Variants in TTC27 observed in about 807,000 individuals in gnomAD.
TTC27 encodes tetratricopeptide repeat domain 27.
A neutral mutation model predicts 115.9 loss-of-function variants in TTC27; 79 were observed. The observed-to-expected ratio is 0.68, with a 90% CI of 0.57 to 0.82. TTC27 has a LOEUF of 0.82. Among genes scored for constraint, TTC27 ranks in the 40% least tolerant of loss-of-function variants. The probability of loss-of-function intolerance (pLI) is 0.00; values close to 1 mark genes in which losing one functional copy is unlikely to be tolerated. For missense variants in TTC27, 1,054 were observed against 993.1 expected, an observed-to-expected ratio of 1.06 and a Z score of -0.82; for synonymous variants, 401 against 356.0, an observed-to-expected ratio of 1.13 and a Z score of -1.42.
In TTC27 at chr2:32,741,780, A is replaced by T. The variant is rs545298319; in HGVS notation, c.1452+4964A>T. 3.9e-5 allele frequency among the ~76,000 whole-genome samples: 6 copies of T among 152,316 alleles called. No individual in the cohort carries two copies. In the South Asian group the frequency reaches 1.2e-3, roughly 32 times the overall value. On this transcript the variant is annotated intron_variant, in intron 12 of 19. Transcript: ENST00000317907. Reference sequence around the variant, plus strand: ...TGAGTAACTAGTAAGTGATCACTCAATAGTTATCTCATTGAAGCAATCTCC... The same window carrying T: ...TGAGTAACTAGTAAGTGATCACTCATTAGTTATCTCATTGAAGCAATCTCC...
At chr2:32,733,957 T>C (rs1551177) in intron 11 of TTC27, 34 bp downstream of exon 11, 729,072 of 1,444,456 alleles carry the variant, frequency 0.5, 186,493 homozygotes, top group Non-Finnish European at 0.52. Context: ...GTATGGAAAT[T>C]ACTTGGCATT....
intron 1 of TTC27, among the ~76,000 whole-genome samples, chr2:32,630,169 C>T (rs1463654052): frequency 6.6e-6 from 1 of 152,098 alleles, no homozygotes; most frequent in Non-Finnish European, 1.5e-5. Flanking sequence ...TAGAAAGAAC[C>T]AGATTGTGAA....
At chr2:32,631,086 A>G (rs558375030) in intron 2 of TTC27, among the ~76,000 whole-genome samples, 1 of 152,200 alleles carries the variant, frequency 6.6e-6, no homozygotes, top group South Asian at 2.1e-4. Flanking sequence ...GGCGGATCAC[A>G]TGAGGTCAGG....
At position 32,789,510 on chromosome 2, in the gene TTC27, T is replaced by G. The variant is rs73924874; in HGVS notation, c.1998+2361T>G. ...TATTATAGATACCAAAGGATATAAT[T>G]TTGGTAACAATAACCTGAGTATGTA... is the stretch of plus-strand genomic sequence containing the variant. On this transcript the variant is annotated intron_variant, in intron 16 of 19. Transcript: ENST00000317907. 1.8e-3 allele frequency among the ~76,000 whole-genome samples: 269 copies of G among 152,286 alleles called. 2 individuals are homozygous for G. Among genetic ancestry groups the G allele is most frequent in the African/African-American group, 6.4e-3 (265 of 41,542 alleles).
intron 10 of TTC27, among the ~76,000 whole-genome samples, chr2:32,726,799 A>G (rs1175556496): frequency 2.0e-5 from 3 of 152,170 alleles, no homozygotes; most frequent in Non-Finnish European, 4.4e-5. Flanking sequence ...AGACTGGGTA[A>G]TTTACATAGG....
At chr2:32,752,846 G>T (rs976249702) in intron 12 of TTC27, among the ~76,000 whole-genome samples, 4 of 152,142 alleles carry the variant, frequency 2.6e-5, no homozygotes, top group African/African-American at 9.7e-5. Flanking sequence ...CATAATCAGT[G>T]CCCTCTTCTG....
chr2:32,668,485 G>C (rs1158564608), intron 7 of TTC27, among the ~76,000 whole-genome samples: 16 of 148,722 alleles, frequency 1.1e-4, no homozygotes, highest in Non-Finnish European at 3.0e-5. Flanking sequence ...AATTTTAATC[G>C]TTTTTTTGCT....
chr2:32,655,155 A>AT lies in TTC27; in HGVS notation c.640+4931dup, dbSNP rs907521386. ...GGGTGCCCGCCACCATGTCTGGCCA[A>AT]TTTTTTTTTGTATTTTTAGCAGAGA... On this transcript the variant is annotated intron_variant, in intron 5 of 19. Coordinates refer to ENST00000317907, the MANE Select transcript of TTC27 (RefSeq NM_017735.5). 2.5e-4 allele frequency among the ~76,000 whole-genome samples: 37 copies of AT among 150,310 alleles called. No homozygotes were observed. In the East Asian group the frequency reaches 4.1e-3, roughly 17 times the overall value.
chr2:32,744,783 G>A (rs1668760323), intron 12 of TTC27, among the ~76,000 whole-genome samples: 1 of 152,094 alleles, frequency 6.6e-6, no homozygotes, highest in Non-Finnish European at 1.5e-5. Flanking sequence ...GGGCGTGGTG[G>A]CTCCCGCCTG....
chr2:32,767,624 G>T (rs1260583185), intron 13 of TTC27, among the ~76,000 whole-genome samples: 1 of 151,190 alleles, frequency 6.6e-6, no homozygotes, highest in Non-Finnish European at 1.5e-5. Context: ...ACCGCGCCCG[G>T]CTAATTTTTT....
intron 16 of TTC27, among the ~76,000 whole-genome samples, chr2:32,794,625 TAAAG>T (rs929149884): frequency 1.3e-5 from 2 of 151,256 alleles, no homozygotes; most frequent in South Asian, 4.2e-4. Flanking sequence ...AGAAAAATAA[TAAAG>T]AAAAATCAAT....
chr2:32,812,590 T>G lies in TTC27; in HGVS notation c.2283T>G (p.Val761=). 1 of 1,613,882 alleles carries G rather than the reference T, an allele frequency of 6.2e-7. No individual in the cohort carries two copies. The highest frequency in any genetic ancestry group is 1.3e-5 in the African/African-American group (1 of 75,064). The part of the protein sequence containing the change: ...EKDITSFKEV[V]QRALGLAHVA... ...ATATTACATCATTTAAGGAAGTTGTTCAAAGAGCCTTAGGACTTGCACATG... is the reference window on the plus strand; with the variant it reads ...ATATTACATCATTTAAGGAAGTTGTGCAAAGAGCCTTAGGACTTGCACATG... The change falls in exon 18 of 20, where the codon GTT becomes GTG. Residue 761 remains valine, a synonymous_variant. Coordinates refer to ENST00000317907, the MANE Select transcript of TTC27 (RefSeq NM_017735.5).
At chr2:32,659,139 A>AT (rs1463655575) in intron 5 of TTC27, among the ~76,000 whole-genome samples, 2 of 151,774 alleles carry the variant, frequency 1.3e-5, no homozygotes, top group Non-Finnish European at 2.9e-5. Context: ...TAATATTTTT[A>AT]TTTTTTTGTT....
intron 14 of TTC27, among the ~76,000 whole-genome samples, chr2:32,779,241 TA>T (rs1670096711): frequency 6.6e-6 from 1 of 151,430 alleles, no homozygotes; most frequent in African/African-American, 2.4e-5. Flanking sequence ...AACAAACAAA[TA>T]AAAAACAAAG....
chr2:32,654,342 A>G (rs1485729522), intron 5 of TTC27, among the ~76,000 whole-genome samples: 4 of 152,198 alleles, frequency 2.6e-5, no homozygotes, highest in Non-Finnish European at 5.9e-5. Context: ...ATTCCTAACA[A>G]CTATGAGGTA....
intron 5 of TTC27, among the ~76,000 whole-genome samples, chr2:32,658,717 A>G (rs1665425205): frequency 6.6e-6 from 1 of 152,108 alleles, no homozygotes; most frequent in Non-Finnish European, 1.5e-5. Flanking sequence ...TGGGGGATCA[A>G]TTGGATAAGG....
intron 10 of TTC27, among the ~76,000 whole-genome samples, chr2:32,708,846 C>G (rs898873655): frequency 2.0e-4 from 31 of 152,094 alleles, no homozygotes; most frequent in African/African-American, 7.0e-4. Context: ...TCTATCTGCT[C>G]CCTTGGATAC....
intron 10 of TTC27, among the ~76,000 whole-genome samples, chr2:32,703,711 C>G (rs1319128580): frequency 6.6e-6 from 1 of 152,158 alleles, no homozygotes; most frequent in Non-Finnish European, 1.5e-5. Flanking sequence ...AGCATTTAGT[C>G]TCTTTTACAC....
chr2:32,687,860 A>G (rs1334499229), intron 9 of TTC27, among the ~76,000 whole-genome samples: 1 of 152,204 alleles, frequency 6.6e-6, no homozygotes, highest in Non-Finnish European at 1.5e-5. Flanking sequence ...TCATAGTTGA[A>G]TATTTTAACA....
Sources: allele counts gnomAD v4.1 joint callset (sites outside exome capture counted in the v4.1 genomes callset), GRCh38; gene constraint gnomAD v4.1.1; transcripts MANE v1.5; gene names NCBI Gene and HGNC (gene_info 2026-07-23, HGNC 2026-07-21).